Variants in GALR2 observed in about 807,000 individuals in gnomAD.
GALR2 encodes galanin receptor type 2.
GALR2 carries 5 observed loss-of-function variants against 7.2 expected under a neutral mutation model. The ratio of observed to expected loss-of-function variants is 0.69; its 90% CI spans 0.36 to 1.45. GALR2 has a LOEUF of 1.45. GALR2 is among the 40% of genes most tolerant of loss of function. The pLI is 0.03. For synonymous variants in GALR2, 300 were observed against 263.9 expected, an observed-to-expected ratio of 1.14 and a Z score of -1.32; for missense variants, 561 against 555.7, an observed-to-expected ratio of 1.01 and a Z score of -0.10.
upstream of GALR2, among the ~76,000 whole-genome samples, chr17:76,073,243 T>A (rs1245566223): frequency 6.6e-6 from 1 of 151,744 alleles, no homozygotes; most frequent in East Asian, 1.9e-4. Context: ...TGTTCCTTCA[T>A]CTATGAAATG....
rs1241334572 is a variant in GALR2 at position 76,077,059 on chromosome 17, C to G, written c.792C>G (p.Phe264Leu). ...ALILCVWFGQ[F>L]PLTRATYALR... Reference sequence around the variant, plus strand: ...TCCTCTGCGTGTGGTTCGGCCAGTTCCCGCTCACGCGCGCCACTTATGCGC... The same window carrying G: ...TCCTCTGCGTGTGGTTCGGCCAGTTGCCGCTCACGCGCGCCACTTATGCGC... Residue 264 changes from phenylalanine to leucine, a missense_variant, in exon 2 of 2, where the codon TTC (phenylalanine) becomes TTG (leucine). Coordinates refer to ENST00000329003, the MANE Select transcript of GALR2 (RefSeq NM_003857.4). 8 of 1,613,014 alleles carry G rather than the reference C, an allele frequency of 5.0e-6. No individual in the cohort carries two copies. Among genetic ancestry groups the G allele is most frequent in the Non-Finnish European group, 6.8e-6 (8 of 1,179,916 alleles).
chr17:76,072,109 C>G (rs1453915327), upstream of GALR2: 6 of 1,051,078 alleles, frequency 5.7e-6, no homozygotes, highest in Non-Finnish European at 8.1e-6. This position sits in a 1 kb window ranked among gnomAD's most constrained non-coding sequence, Gnocchi z 4.5. Context: ...CTAGCCAGGA[C>G]GGCGAGGGGG....
In GALR2 at chr17:76,076,731, T is replaced by C; in HGVS notation, c.464T>C (p.Leu155Pro). 1 of 1,605,090 alleles carries C rather than the reference T, an allele frequency of 6.2e-7. No individual in the cohort carries two copies. The highest frequency in any genetic ancestry group is 1.1e-5 in the South Asian group (1 of 91,080). Reference sequence around the variant, plus strand: ...GGGCTCATCTGGGGGCTGTCGCTGCTCTTCTCCGGGCCCTACCTGAGCTAC... The same window carrying C: ...GGGCTCATCTGGGGGCTGTCGCTGCCCTTCTCCGGGCCCTACCTGAGCTAC... ...AIGLIWGLSL[L>P]FSGPYLSYYR... The change falls in exon 2 of 2, where the codon CTC (leucine) becomes CCC (proline). Residue 155 changes from leucine (L) to proline (P), a missense_variant. Coordinates refer to ENST00000329003, the MANE Select transcript of GALR2 (RefSeq NM_003857.4). The surrounding 1 kb of genome is among the most constrained non-coding windows in gnomAD (Gnocchi z 6.5).
At chr17:76,072,309 C>G, upstream of GALR2, 1 of 1,612,304 alleles carries the variant, frequency 6.2e-7, no homozygotes, top group East Asian at 2.2e-5. This position sits in a 1 kb window ranked among gnomAD's most constrained non-coding sequence, Gnocchi z 4.5. Flanking sequence ...CTAGGATACT[C>G]TCCAAACTCA....
At position 76,076,867 on chromosome 17, in the gene GALR2, G is replaced by A. The variant is rs1370483744; in HGVS notation, c.600G>A (p.Val200=). The A allele has an allele frequency of 4.4e-6, 7 of 1,603,962 alleles. No individual in the cohort carries two copies. Among genetic ancestry groups the A allele is most frequent in the Non-Finnish European group, 4.2e-6 (5 of 1,179,366 alleles). Residue 200 remains valine (V), a synonymous_variant, in exon 2 of 2, where the codon GTG becomes GTA. Transcript: ENST00000329003. The surrounding 1 kb of genome is among the most constrained non-coding windows in gnomAD (Gnocchi z 6.5). The part of the protein sequence containing the change: ...CTFVFSYLLP[V]LVLGLTYART... ...TCGTCTTCAGCTACCTGCTTCCTGT[G>A]CTGGTTCTCGGCCTGACCTACGCGC... is the stretch of plus-strand genomic sequence containing the variant.
Position 76,077,373 on chromosome 17 carries a change from G to A in GALR2, c.1106G>A (p.Gly369Asp). The A allele has an allele frequency of 6.9e-7, 1 of 1,457,954 alleles. No homozygotes were observed. The highest frequency in any genetic ancestry group is 1.4e-5 in the South Asian group (1 of 73,396). The allele number at this position is 1,457,954 out of a possible 1,614,324, so 90.3% of individuals were successfully genotyped here. The change falls in exon 2 of 2, where the codon GGC becomes GAC. Residue 369 changes from glycine (G) to aspartate (D), a missense_variant. By Grantham distance (94) the Gly-to-Asp change is moderately conservative. Coordinates refer to ENST00000329003, the MANE Select transcript of GALR2 (RefSeq NM_003857.4). ...CCATGCATCCTCGAGCCCTGTCCTGGCCCGTCCTGGCAGGGCCCAAAGGCA... is the reference window on the plus strand; with the variant it reads ...CCATGCATCCTCGAGCCCTGTCCTGACCCGTCCTGGCAGGGCCCAAAGGCA... ...SQPCILEPCP[G>D]PSWQGPKAGD...
At chr17:76,074,205 C>A (rs1452484168), upstream of GALR2, among the ~76,000 whole-genome samples, 1 of 151,298 alleles carries the variant, frequency 6.6e-6, no homozygotes, top group African/African-American at 2.4e-5. This position sits in a 1 kb window ranked among gnomAD's most constrained non-coding sequence, Gnocchi z 6.7. Context: ...AGTCCCAGCC[C>A]CTCAGAAGGC....
At position 76,075,575 on chromosome 17, in the gene GALR2, G is replaced by T. The variant is rs2066884755; in HGVS notation, c.368+324G>T. On this transcript the variant is annotated intron_variant, in intron 1 of 1. Coordinates refer to ENST00000329003, the MANE Select transcript of GALR2 (RefSeq NM_003857.4). This position sits in a 1 kb window ranked among gnomAD's most constrained non-coding sequence, Gnocchi z 5.9. ...AGCTTAATGCCCTCCGTGAGGGTGGGATAGGACAAAGTGCCCAATATACAG... is the reference window on the plus strand; with the variant it reads ...AGCTTAATGCCCTCCGTGAGGGTGGTATAGGACAAAGTGCCCAATATACAG... Among the ~76,000 whole-genome samples, 1 of 152,228 alleles carries T rather than the reference G, an allele frequency of 6.6e-6. No individual in the cohort carries two copies. The highest frequency in any genetic ancestry group is 2.1e-4 in the South Asian group (1 of 4,834).
rs1436260096 is a variant in GALR2 at position 76,074,815 on chromosome 17, C to T, written c.-69C>T. On this transcript the variant is annotated 5_prime_UTR_variant, in exon 1 of 2. Transcript: ENST00000329003. This position sits in a 1 kb window ranked among gnomAD's most constrained non-coding sequence, Gnocchi z 6.7. ...CTAGGAGTTGCAGCGGCCGCAGCCC[C>T]GGGAGCTTCCCGCTCGCGGAGACCC... 4.2e-6 allele frequency: 6 copies of T among 1,430,196 alleles called. No homozygotes were observed. The East Asian group carries it at 1.0e-4, about 24-fold the overall frequency. 88.6% of individuals were successfully genotyped at this position (1,430,196 alleles called of 1,614,324 possible).
chr17:76,076,580 C>A lies in GALR2; in HGVS notation c.369-56C>A. The A allele has an allele frequency of 8.1e-7, 1 of 1,237,730 alleles. No homozygotes were observed. The allele number at this position is 1,237,730 out of a possible 1,614,324, so 76.7% of individuals were successfully genotyped here. ...GGGACCGAGGTGCAGGGGTCGCGGC[C>A]CTCCAGCATGAATGTGCCCGCTCAG... On this transcript the variant is annotated intron_variant, in intron 1 of 1. Coordinates refer to ENST00000329003, the MANE Select transcript of GALR2 (RefSeq NM_003857.4). This position sits in a 1 kb window ranked among gnomAD's most constrained non-coding sequence, Gnocchi z 6.5.
chr17:76,072,106 G>A (rs2066857219), upstream of GALR2: 6 of 1,027,552 alleles, frequency 5.8e-6, no homozygotes, highest in Admixed American at 1.3e-4. The surrounding 1 kb of genome is among the most constrained non-coding windows in gnomAD (Gnocchi z 4.5). Flanking sequence ...GACCTAGCCA[G>A]GACGGCGAGG....
rs751413774 is a variant in GALR2, at chr17:76,077,259, G to C, written c.992G>C (p.Ser331Thr). ...RVCAAARGTH[S>T]GSVLERESSD... is the part of the protein sequence containing the mutation. ...TGCGCTGCCGCGCGGGGCACCCACA[G>C]TGGCAGCGTGTTGGAGCGCGAGTCC... The change falls in exon 2 of 2, where the codon AGT becomes ACT. Residue 331 changes from serine (S) to threonine (T), a missense_variant. Transcript: ENST00000329003. 26 of 1,603,480 alleles carry C rather than the reference G, an allele frequency of 1.6e-5. No homozygotes were observed. The highest frequency in any genetic ancestry group is 2.2e-5 in the Non-Finnish European group (26 of 1,177,278).
Position 76,076,775 on chromosome 17 carries a change from GCCAACCTGAC to G in GALR2, c.510_519del (p.Asn171CysfsTer32). On this transcript the variant is annotated frameshift_variant, in exon 2 of 2. Transcript: ENST00000329003. LOFTEE classifies it low-confidence loss of function (END_TRUNC). The surrounding 1 kb of genome is among the most constrained non-coding windows in gnomAD (Gnocchi z 6.5). ...GAGCTACTACCGCCAGTCGCAGCTG[GCCAACCTGAC>G]CGTGTGCCATCCCGCGTGGAGCGCC... The G allele has an allele frequency of 6.2e-7, 1 of 1,606,108 alleles. No homozygotes were observed. Among genetic ancestry groups the G allele is most frequent in the East Asian group, 2.2e-5 (1 of 44,872 alleles).
Position 76,075,084 on chromosome 17 carries a change from G to C in GALR2, c.201G>C (p.Leu67=), listed in dbSNP as rs779212346. ...CTACCAACCTGTTCATCCTTAACCT[G>C]GGCGTGGCCGACCTGTGTTTCATCC... ...VSTTNLFILN[L]GVADLCFILC... is the part of the protein sequence containing the mutation. The change falls in exon 1 of 2, where the codon CTG becomes CTC. Residue 67 remains leucine (L), a synonymous_variant. Coordinates refer to ENST00000329003, the MANE Select transcript of GALR2 (RefSeq NM_003857.4). The surrounding 1 kb of genome is among the most constrained non-coding windows in gnomAD (Gnocchi z 5.9). 7.4e-6 allele frequency: 12 copies of C among 1,612,146 alleles called. No homozygotes were observed. The highest frequency in any genetic ancestry group is 3.3e-5 in the Admixed American group (2 of 60,030).
In GALR2 at chr17:76,077,508, T is replaced by A; in HGVS notation, c.*77T>A. 8.0e-7 allele frequency: 1 copy of A among 1,251,436 alleles called. No individual in the cohort carries two copies. Among genetic ancestry groups the A allele is most frequent in the Non-Finnish European group, 1.1e-6 (1 of 931,654 alleles). 77.5% of individuals were successfully genotyped at this position (1,251,436 alleles called of 1,614,324 possible). A position where few individuals can be genotyped will look rare whatever the true frequency, so the allele number is the denominator to read the frequency against. ...GGACCGTGGGGAGAGCTTTGCCTGT[T>A]AATAAAACGCACAAACCATTTCACA... On this transcript the variant is annotated 3_prime_UTR_variant, in exon 2 of 2. Coordinates refer to ENST00000329003, the MANE Select transcript of GALR2 (RefSeq NM_003857.4).
chr17:76,077,517 G>C lies in GALR2; in HGVS notation c.*86G>C. On this transcript the variant is annotated 3_prime_UTR_variant, in exon 2 of 2. Transcript: ENST00000329003. ...GGAGAGCTTTGCCTGTTAATAAAACGCACAAACCATTTCACACACAGTGAC... is the reference window on the plus strand; with the variant it reads ...GGAGAGCTTTGCCTGTTAATAAAACCCACAAACCATTTCACACACAGTGAC... 1 of 1,176,676 alleles carries C rather than the reference G, an allele frequency of 8.5e-7. No homozygotes were observed. Among genetic ancestry groups the C allele is most frequent in the South Asian group, 1.6e-5 (1 of 61,858 alleles). The allele number at this position is 1,176,676 out of a possible 1,614,324, so 72.9% of individuals were successfully genotyped here.
rs2066885157 is a variant in GALR2 at position 76,075,666 on chromosome 17, G to T, written c.368+415G>T. Among the ~76,000 whole-genome samples, 1 of 152,220 alleles carries T rather than the reference G, an allele frequency of 6.6e-6. No individual in the cohort carries two copies. Among genetic ancestry groups the T allele is most frequent in the Non-Finnish European group, 1.5e-5 (1 of 68,046 alleles). ...CAGGGATCGGGTGCGTGAAGTGACC[G>T]TCTGTCTCCTGCAGCCAACTTCAGG... On this transcript the variant is annotated intron_variant, in intron 1 of 1. Coordinates refer to ENST00000329003, the MANE Select transcript of GALR2 (RefSeq NM_003857.4). The surrounding 1 kb of genome is among the most constrained non-coding windows in gnomAD (Gnocchi z 5.9).
upstream of GALR2, among the ~76,000 whole-genome samples, chr17:76,073,621 G>A (rs2066872738): frequency 7.1e-6 from 1 of 140,212 alleles, no homozygotes; most frequent in South Asian, 2.5e-4. Context: ...TTTCCTCAAG[G>A]TATACGGAAT....
Position 76,074,860 on chromosome 17 carries a change from G to A in GALR2, c.-24G>A. 6.8e-7 allele frequency: 1 copy of A among 1,473,792 alleles called. No homozygotes were observed. The highest frequency in any genetic ancestry group is 9.0e-7 in the Non-Finnish European group (1 of 1,116,938). The allele number at this position is 1,473,792 out of a possible 1,614,324, so 91.3% of individuals were successfully genotyped here. ...AGACCCAGACGGCTGCAGGAGCCCG[G>A]GCAGCCTCGGGGTCAGCGGCACCAT... is the stretch of plus-strand genomic sequence containing the variant. On this transcript the variant is annotated 5_prime_UTR_variant, in exon 1 of 2. Coordinates refer to ENST00000329003, the MANE Select transcript of GALR2 (RefSeq NM_003857.4). The surrounding 1 kb of genome is among the most constrained non-coding windows in gnomAD (Gnocchi z 6.7).
Sources: allele counts gnomAD v4.1 joint callset (sites outside exome capture counted in the v4.1 genomes callset), GRCh38; gene constraint gnomAD v4.1.1; non-coding constraint Gnocchi (gnomAD v3.1); transcripts MANE v1.5; gene names NCBI Gene and HGNC (gene_info 2026-07-23, HGNC 2026-07-21).